The following PRKCE variants were observed in gnomAD, a reference collection of about 807,000 sequenced individuals.
PRKCE encodes the protein protein kinase C epsilon.
PRKCE carries 16 observed loss-of-function variants against 85.4 expected under a neutral mutation model. That is an observed-to-expected ratio of 0.19 (90% CI 0.13 to 0.28). PRKCE has a LOEUF of 0.28. Ranked by LOEUF, PRKCE falls within the 10% of genes least tolerant of loss-of-function variation. PRKCE has a pLI of 1.00. For synonymous variants in PRKCE, 388 were observed against 371.5 expected (o/e 1.04, Z -0.51); for missense variants, 573 against 975.2 (o/e 0.59, Z 5.49).
rs61763783 is a variant in PRKCE, at chr2:45,842,667, T to A, written c.349-333T>A. On this transcript the variant is annotated intron_variant, in intron 1 of 14. Transcript: ENST00000306156. ...AGGGGTCATCCTGTGCACTGTAGAA[T>A]GTTTAATGGTATCTCTGGCCTCCAC... Among the ~76,000 whole-genome samples the A allele has an allele frequency of 3.5e-3, 539 of 152,322 alleles. 3 individuals are homozygous for A. Among genetic ancestry groups the A allele is most frequent in the African/African-American group, 0.012 (506 of 41,572 alleles).
At chr2:46,009,469 G>A (rs544444015) in intron 9 of PRKCE, among the ~76,000 whole-genome samples, 1 of 152,254 alleles carries the variant, frequency 6.6e-6, no homozygotes, top group South Asian at 2.1e-4. Context: ...ATAGCATCAA[G>A]GTAACATTTC....
At chr2:45,806,047 C>T (rs1229174381) in intron 1 of PRKCE, among the ~76,000 whole-genome samples, 1 of 152,224 alleles carries the variant, frequency 6.6e-6, no homozygotes, top group Admixed American at 6.5e-5. Flanking sequence ...TAACTCAATA[C>T]ATCCTTGCTG....
At chr2:45,830,633 A>G (rs891555784) in intron 1 of PRKCE, among the ~76,000 whole-genome samples, 3 of 152,214 alleles carry the variant, frequency 2.0e-5, no homozygotes, top group Admixed American at 6.5e-5. Flanking sequence ...ATTTAGGACA[A>G]TGAATCCCAA....
chr2:45,955,234 T>A (rs1453112651), intron 2 of PRKCE, among the ~76,000 whole-genome samples: 3 of 152,118 alleles, frequency 2.0e-5, no homozygotes, highest in Non-Finnish European at 4.4e-5. Context: ...GAATTAGATC[T>A]CAAAGGATAG....
At chr2:45,943,674 G>A (rs986791916) in intron 2 of PRKCE, among the ~76,000 whole-genome samples, 1 of 152,056 alleles carries the variant, frequency 6.6e-6, no homozygotes, top group African/African-American at 2.4e-5. Context: ...AGAATATAAA[G>A]TTCTCACCAG....
intron 1 of PRKCE, among the ~76,000 whole-genome samples, chr2:45,744,463 TTCTTTCTTTC>T (rs1408091206): frequency 7.9e-5 from 5 of 63,200 alleles, no homozygotes; most frequent in South Asian, 7.6e-4. Flanking sequence ...CTTTCTTTCT[TTCTTTCTTTC>T]TTTCTTTCTT....
At chr2:46,132,952 CG>C (rs1392013661) in intron 11 of PRKCE, among the ~76,000 whole-genome samples, 1 of 152,192 alleles carries the variant, frequency 6.6e-6, no homozygotes, top group Non-Finnish European at 1.5e-5. Flanking sequence ...CCTACATCCC[CG>C]TCAAATTGTG....
At chr2:46,173,837 TAGGGG>T (rs1273387270) in intron 14 of PRKCE, among the ~76,000 whole-genome samples, 1 of 152,248 alleles carries the variant, frequency 6.6e-6, no homozygotes, top group African/African-American at 2.4e-5. Flanking sequence ...TTGCTGAGTG[TAGGGG>T]AGGAGGTTTG....
chr2:45,891,389 C>T (rs555966687), intron 2 of PRKCE, among the ~76,000 whole-genome samples: 2 of 152,320 alleles, frequency 1.3e-5, no homozygotes, highest in Admixed American at 1.3e-4. Flanking sequence ...AAAGCACACC[C>T]TGCCATGCCA....
intron 13 of PRKCE, among the ~76,000 whole-genome samples, chr2:46,158,228 G>C (rs768931077): frequency 6.6e-6 from 1 of 152,204 alleles, no homozygotes; most frequent in South Asian, 2.1e-4. Context: ...GGAATGTGGG[G>C]AGGCTTCACA....
At chr2:46,098,972 T>C (rs4953311) in intron 11 of PRKCE, among the ~76,000 whole-genome samples, 107,844 of 151,882 alleles carry the variant, frequency 0.71, 39,744 homozygotes, top group East Asian at 0.97. Flanking sequence ...TGAGCTGAGG[T>C]AGTGGAGACT....
At chr2:46,043,776 A>G (rs1708354236) in intron 10 of PRKCE, among the ~76,000 whole-genome samples, 1 of 152,216 alleles carries the variant, frequency 6.6e-6, no homozygotes, top group Admixed American at 6.5e-5. Context: ...ATCAGAAAGG[A>G]GTTTCTCTTC....
intron 1 of PRKCE, among the ~76,000 whole-genome samples, chr2:45,806,508 C>G (rs1376882822): frequency 6.6e-6 from 1 of 152,190 alleles, no homozygotes; most frequent in African/African-American, 2.4e-5. Context: ...CATTGTTGTG[C>G]AGCCATCACC....
chr2:45,763,983 T>C (rs1684716923), intron 1 of PRKCE, among the ~76,000 whole-genome samples: 1 of 152,210 alleles, frequency 6.6e-6, no homozygotes, highest in African/African-American at 2.4e-5. Flanking sequence ...CCGTCTTGCT[T>C]ATGTTTTAGG....
intron 1 of PRKCE, among the ~76,000 whole-genome samples, chr2:45,681,056 C>T (rs967008550): frequency 7.2e-5 from 11 of 151,802 alleles, no homozygotes; most frequent in African/African-American, 2.7e-4. Context: ...TTTGGGAGGC[C>T]GAGGTGGGTG....
chr2:45,714,406 G>A (rs757097434), intron 1 of PRKCE, among the ~76,000 whole-genome samples: 5 of 152,248 alleles, frequency 3.3e-5, no homozygotes, highest in Non-Finnish European at 7.3e-5. Flanking sequence ...AGGGAAATAA[G>A]TGTTCCAGGA....
chr2:45,955,821 A>G (rs1700935992), intron 2 of PRKCE, among the ~76,000 whole-genome samples: 1 of 152,204 alleles, frequency 6.6e-6, no homozygotes, highest in Non-Finnish European at 1.5e-5. Context: ...AGTGTCATTT[A>G]CATACAGTAA....
At position 45,832,339 on chromosome 2, in the gene PRKCE, G is replaced by T. The variant is rs529150346; in HGVS notation, c.349-10661G>T. 3.4e-5 allele frequency among the ~76,000 whole-genome samples: 5 copies of T among 144,984 alleles called. No homozygotes were observed. In the South Asian group the frequency reaches 8.7e-4, roughly 25 times the overall value. On this transcript the variant is annotated intron_variant, in intron 1 of 14. Coordinates refer to ENST00000306156, the MANE Select transcript of PRKCE (RefSeq NM_005400.3). ...TTTTTTTTTTTTTTTTTGAGACAGA[G>T]TCTCACTCTGTTGCCCAGGCTGGAG...
intron 10 of PRKCE, among the ~76,000 whole-genome samples, chr2:46,044,850 G>C (rs1170347421): frequency 6.6e-6 from 1 of 152,182 alleles, no homozygotes; most frequent in Non-Finnish European, 1.5e-5. Context: ...GCTCCGCTCT[G>C]CCTCTCCAAG....
Sources: allele counts gnomAD v4.1 joint callset (sites outside exome capture counted in the v4.1 genomes callset), GRCh38; gene constraint gnomAD v4.1.1; transcripts MANE v1.5; gene names NCBI Gene and HGNC (gene_info 2026-07-23, HGNC 2026-07-21).